The following NECTIN3 variants were observed in gnomAD, a reference collection of about 807,000 sequenced individuals.
NECTIN3 encodes the protein nectin cell adhesion molecule 3, also known as nectin-3.
NECTIN3 carries 8 observed loss-of-function variants against 49.4 expected under a neutral mutation model. That is an observed-to-expected ratio of 0.16 (90% CI 0.10 to 0.29). The LOEUF (loss-of-function observed/expected upper bound fraction) is 0.29. Among genes scored for constraint, NECTIN3 ranks in the 10% least tolerant of loss-of-function variants. The probability of loss-of-function intolerance (pLI) is 1.00; values close to 1 mark genes in which losing one functional copy is unlikely to be tolerated. For missense variants in NECTIN3, 581 were observed against 654.6 expected (o/e 0.89, Z 1.23); for synonymous variants, 277 against 241.1 (o/e 1.15, Z -1.38).
At position 111,072,534 on chromosome 3, in the gene NECTIN3, C is replaced by T. The variant is rs781038473; in HGVS notation, c.160+357C>T. The T allele has an allele frequency of 8.0e-5, 123 of 1,535,736 alleles. 2 individuals carry two copies. The South Asian group carries it at 8.6e-4, about 11-fold the overall frequency. On this transcript the variant is annotated intron_variant, in intron 1 of 5. Transcript: ENST00000485303. ...TCGTAGGTTAAGGTGCCGGGATGCA[C>T]GTTTGCCGCTTTTTTTCCCGGTGAA...
intron 4 of NECTIN3, 84 bp downstream of exon 4, chr3:111,122,322 A>G (rs2033991161): frequency 1.0e-6 from 1 of 994,302 alleles, no homozygotes; most frequent in Non-Finnish European, 1.5e-6. Context: ...TATCTGTATA[A>G]TACATGATTA....
intron 1 of NECTIN3, chr3:111,073,560 A>G (rs983747570): frequency 6.6e-6 from 1 of 152,368 alleles, no homozygotes; most frequent in African/African-American, 2.4e-5. Flanking sequence ...GTTCCAAGAC[A>G]AAGTTCTTAA....
chr3:111,161,766 G>C (rs561385605), intron 7 of NECTIN3, among the ~76,000 whole-genome samples: 5 of 152,260 alleles, frequency 3.3e-5, no homozygotes, highest in Admixed American at 1.3e-4. Flanking sequence ...GGTGACTACT[G>C]TTCTGGGGGA....
At chr3:111,150,626 A>G (rs994621183) in intron 7 of NECTIN3, among the ~76,000 whole-genome samples, 1 of 151,910 alleles carries the variant, frequency 6.6e-6, no homozygotes, top group Non-Finnish European at 1.5e-5. Context: ...GTAACATTTT[A>G]GTTTAGTATT....
At chr3:111,150,693 T>C (rs1027812814) in intron 7 of NECTIN3, among the ~76,000 whole-genome samples, 1 of 151,862 alleles carries the variant, frequency 6.6e-6, no homozygotes, top group Non-Finnish European at 1.5e-5. Flanking sequence ...CTTTTCCAAC[T>C]AATGTATTTG....
In NECTIN3 at chr3:111,071,884, G is replaced by A; in HGVS notation, c.-134G>A. 2.0e-6 allele frequency: 1 copy of A among 512,402 alleles called. No homozygotes were observed. Among genetic ancestry groups the A allele is most frequent in the Non-Finnish European group, 3.0e-6 (1 of 330,498 alleles). 31.7% of individuals were successfully genotyped at this position (512,402 alleles called of 1,614,324 possible). A position where few individuals can be genotyped will look rare whatever the true frequency, so the allele number is the denominator to read the frequency against. ...CCAGCGTTCGGCCAAGTGTCAGCCG[G>A]CAGCGACGGCGCTAGAGCTGGGAGC... On this transcript the variant is annotated 5_prime_UTR_variant, in exon 1 of 6. Transcript: ENST00000485303.
chr3:111,137,421 G>GT lies in NECTIN3; in HGVS notation c.*3210dup. The stretch of plus-strand genomic sequence containing the variant: ...TAGTTTGTACCCGCGCTAAGTTTTG[G>GT]TTTTGTTGTGTTTGGTGTTTTTTGT... On this transcript the variant is annotated 3_prime_UTR_variant, in exon 6 of 6. Coordinates refer to ENST00000485303, the MANE Select transcript of NECTIN3 (RefSeq NM_015480.3). 2 of 949,778 alleles carry GT rather than the reference G, an allele frequency of 2.1e-6. No individual in the cohort carries two copies. Among genetic ancestry groups the GT allele is most frequent in the Non-Finnish European group, 2.5e-6 (2 of 799,598 alleles). 58.8% of individuals were successfully genotyped at this position (949,778 alleles called of 1,614,324 possible).
chr3:111,159,468 A>G (rs1295861975), intron 7 of NECTIN3, among the ~76,000 whole-genome samples: 1 of 152,154 alleles, frequency 6.6e-6, no homozygotes, highest in East Asian at 1.9e-4. Context: ...GTAATCCACT[A>G]TATAGTTTTT....
At chr3:111,121,291 G>A (rs2033942476) in intron 3 of NECTIN3, among the ~76,000 whole-genome samples, 1 of 151,900 alleles carries the variant, frequency 6.6e-6, no homozygotes, top group Admixed American at 6.6e-5. Flanking sequence ...GGGATTACAG[G>A]CGTGAGCCCC....
chr3:111,126,370 A>G, intron 5 of NECTIN3, 35 bp downstream of exon 5: 1 of 1,537,044 alleles, frequency 6.5e-7, no homozygotes, highest in Non-Finnish European at 8.9e-7. Context: ...TGAGTTATTT[A>G]AAATATTTCT....
At chr3:111,183,338 T>C (rs572288564) in intron 7 of NECTIN3, among the ~76,000 whole-genome samples, 13 of 151,756 alleles carry the variant, frequency 8.6e-5, no homozygotes, top group Admixed American at 2.0e-4. Context: ...TGAAACAAAG[T>C]TTCATTCTTG....
At chr3:111,074,098 C>T in intron 1 of NECTIN3, 2 of 388,202 alleles carry the variant, frequency 5.2e-6, no homozygotes, top group South Asian at 3.8e-5. Context: ...AAACAGCTTC[C>T]TTTTTTGGCT....
chr3:111,152,153 A>G (rs73854915), intron 7 of NECTIN3, among the ~76,000 whole-genome samples: 2 of 151,850 alleles, frequency 1.3e-5, no homozygotes, highest in South Asian at 4.1e-4. Context: ...ATAGTTTGTA[A>G]TGTCAAAAGA....
intron 7 of NECTIN3, among the ~76,000 whole-genome samples, chr3:111,174,743 C>A (rs902502632): frequency 6.8e-6 from 1 of 147,170 alleles, no homozygotes; most frequent in East Asian, 2.0e-4. Flanking sequence ...GGGGGTGGGG[C>A]GAGCATGCAG....
chr3:111,089,442 C>CACGGAAGAAGTGTTT lies in NECTIN3; in HGVS notation c.160+17266_160+17267insCGGAAGAAGTGTTTA, dbSNP rs1553718428. 2.5e-4 allele frequency among the ~76,000 whole-genome samples: 37 copies of CACGGAAGAAGTGTTT among 149,918 alleles called. No homozygotes were observed. In the East Asian group the frequency reaches 4.4e-3, roughly 18 times the overall value. ...GTGTGTGTGTGTGTATGTATATAAA[C>CACGGAAGAAGTGTTT]ATATACATACACACACATATATGTA... is the stretch of plus-strand genomic sequence containing the variant. On this transcript the variant is annotated intron_variant, in intron 1 of 5. Transcript: ENST00000485303.
chr3:111,093,077 T>A (rs1159099557), intron 1 of NECTIN3, among the ~76,000 whole-genome samples: 2 of 152,216 alleles, frequency 1.3e-5, no homozygotes, highest in Non-Finnish European at 2.9e-5. Context: ...TTTCTTAATT[T>A]CATTTTTGGA....
chr3:111,142,534 A>C, downstream of NECTIN3, among the ~76,000 whole-genome samples: 1 of 152,006 alleles, frequency 6.6e-6, no homozygotes, highest in African/African-American at 2.4e-5. Context: ...GATTGTAATT[A>C]AAATGTTTAA....
chr3:111,072,309 G>T, intron 1 of NECTIN3, 132 bp downstream of exon 1: 3 of 1,435,146 alleles, frequency 2.1e-6, no homozygotes, highest in Non-Finnish European at 2.7e-6. Context: ...CGAGGACTTT[G>T]GCTGGAAACT....
chr3:111,101,646 G>A lies in NECTIN3; in HGVS notation c.161-10384G>A, dbSNP rs559748815. ...GATGCAAATATAATGTAGCTATACT[G>A]TTCAGTATGATTGTCACTAGCTAAT... On this transcript the variant is annotated intron_variant, in intron 1 of 5. Transcript: ENST00000485303. 3.3e-5 allele frequency among the ~76,000 whole-genome samples: 5 copies of A among 152,190 alleles called. No homozygotes were observed. In the East Asian group the frequency reaches 9.7e-4, roughly 29 times the overall value.
Sources: allele counts gnomAD v4.1 joint callset (sites outside exome capture counted in the v4.1 genomes callset), GRCh38; gene constraint gnomAD v4.1.1; transcripts MANE v1.5; gene names NCBI Gene and HGNC (gene_info 2026-07-23, HGNC 2026-07-21).